L3MBTL4: variants seen among roughly 807,000 people sequenced by gnomAD.
L3MBTL4 encodes the protein lethal(3)malignant brain tumor-like protein 4.
Under a neutral mutation model 84.5 loss-of-function variants are expected in L3MBTL4, and 70 were observed. The observed-to-expected ratio is 0.83, with a 90% CI of 0.68 to 1.01. The LOEUF (loss-of-function observed/expected upper bound fraction) is 1.01, where lower values mean the gene tolerates loss of function less well. L3MBTL4 is among the 50% of genes least tolerant of loss of function. The pLI is 0.00. For missense variants in L3MBTL4, 715 were observed against 754.8 expected, an observed-to-expected ratio of 0.95 and a Z score of 0.62; for synonymous variants, 274 against 259.8, an observed-to-expected ratio of 1.05 and a Z score of -0.52.
chr18:6,115,250 G>C (rs1360096743), intron 14 of L3MBTL4, among the ~76,000 whole-genome samples: 2 of 152,166 alleles, frequency 1.3e-5, no homozygotes, highest in South Asian at 2.1e-4. Context: ...GGGAATGATT[G>C]GTCTGACTGC....
intron 4 of L3MBTL4, among the ~76,000 whole-genome samples, chr18:6,294,044 C>T (rs2049983573): frequency 6.6e-6 from 1 of 152,024 alleles, no homozygotes; most frequent in Admixed American, 6.6e-5. Context: ...ATGCTAATTT[C>T]CTGCTTGGAA....
chr18:6,028,317 G>C (rs2055608639), intron 16 of L3MBTL4, among the ~76,000 whole-genome samples: 1 of 152,068 alleles, frequency 6.6e-6, no homozygotes, highest in African/African-American at 2.4e-5. Context: ...TTGTTGTTTT[G>C]TCAGGTTTGT....
rs16949661 is a variant in L3MBTL4, at chr18:6,209,126, T to A, written c.981+4023A>T. 4.7e-3 allele frequency among the ~76,000 whole-genome samples: 722 copies of A among 152,282 alleles called. 9 individuals carry two copies. Among genetic ancestry groups the A allele is most frequent in the African/African-American group, 0.016 (681 of 41,570 alleles). ...TGGCTTCTGAATAGAAACATGGATA[T>A]CTTTGAAATCTTCATCAAATTACTT... On this transcript the variant is annotated intron_variant, in intron 12 of 18. Coordinates refer to ENST00000317931, the MANE Select transcript of L3MBTL4 (RefSeq NM_001330559.2).
intron 4 of L3MBTL4, among the ~76,000 whole-genome samples, chr18:6,272,390 C>T (rs383714): frequency 0.011 from 1,661 of 146,806 alleles, 42 homozygotes; most frequent in African/African-American, 0.041. Flanking sequence ...TTCAGGAGCA[C>T]GGGGAAAGGG....
intron 14 of L3MBTL4, among the ~76,000 whole-genome samples, chr18:6,111,272 A>T (rs2073562132): frequency 6.6e-6 from 1 of 152,124 alleles, no homozygotes; most frequent in African/African-American, 2.4e-5. Flanking sequence ...TGGTTGTACA[A>T]CTCTGTGAAT....
intron 1 of L3MBTL4, among the ~76,000 whole-genome samples, chr18:6,343,335 T>C (rs1033378723): frequency 6.6e-6 from 1 of 152,188 alleles, no homozygotes; most frequent in Non-Finnish European, 1.5e-5. Context: ...GTAGATAATA[T>C]GTTAGGACAC....
chr18:6,247,582 G>T (rs550463577), intron 5 of L3MBTL4, among the ~76,000 whole-genome samples: 3 of 145,626 alleles, frequency 2.1e-5, no homozygotes, highest in African/African-American at 7.7e-5. Flanking sequence ...AGGTTCAAGC[G>T]ATTCTCCTGC....
chr18:6,000,615 G>A (rs75713724), intron 16 of L3MBTL4, among the ~76,000 whole-genome samples: 7,275 of 152,114 alleles, frequency 0.048, 428 homozygotes, highest in Admixed American at 0.17. Context: ...ATGAAACAGA[G>A]CAAATATTTA....
chr18:6,270,156 T>TA (rs2048804435), intron 4 of L3MBTL4, among the ~76,000 whole-genome samples: 3 of 152,216 alleles, frequency 2.0e-5, no homozygotes, highest in African/African-American at 7.2e-5. Context: ...CTGGAAATGA[T>TA]ACGATCTTCC....
At chr18:6,002,529 G>A (rs73376003) in intron 16 of L3MBTL4, among the ~76,000 whole-genome samples, 11,507 of 152,092 alleles carry the variant, frequency 0.076, 553 homozygotes, top group East Asian at 0.12. Flanking sequence ...TGTAATTTGT[G>A]ATACAAGTAA....
intron 16 of L3MBTL4, among the ~76,000 whole-genome samples, chr18:6,007,976 A>G (rs1386910011): frequency 1.3e-5 from 2 of 152,346 alleles, no homozygotes; most frequent in East Asian, 3.9e-4. Context: ...AGACTTTTGT[A>G]CCATGTGAAC....
rs1474987794 is a variant in L3MBTL4, at chr18:6,382,522, C to T, written c.-91+32279G>A. Among the ~76,000 whole-genome samples, 8 of 151,840 alleles carry T rather than the reference C, an allele frequency of 5.3e-5. No individual in the cohort carries two copies. The South Asian group carries it at 6.2e-4, about 12-fold the overall frequency. On this transcript the variant is annotated intron_variant, in intron 1 of 18. Coordinates refer to ENST00000317931, the MANE Select transcript of L3MBTL4 (RefSeq NM_001330559.2). The stretch of plus-strand genomic sequence containing the variant: ...CCTTCAGATGGGGTCTCTGAGTGGA[C>T]GTGCTATTCCTTTCTGTTTGTTAGT...
chr18:5,995,212 A>G (rs2145193485), intron 16 of L3MBTL4, among the ~76,000 whole-genome samples: 2 of 152,362 alleles, frequency 1.3e-5, no homozygotes, highest in Admixed American at 1.3e-4. Context: ...ACTGCAAGGT[A>G]AAGATGCAAT....
intron 13 of L3MBTL4, among the ~76,000 whole-genome samples, chr18:6,152,314 T>C (rs2042931967): frequency 6.6e-6 from 1 of 152,202 alleles, no homozygotes; most frequent in Non-Finnish European, 1.5e-5. Context: ...CATTTTTTTT[T>C]TCCATAACAG....
intron 14 of L3MBTL4, among the ~76,000 whole-genome samples, chr18:6,099,942 A>G (rs2058765964): frequency 6.6e-6 from 1 of 152,138 alleles, no homozygotes; most frequent in African/African-American, 2.4e-5. Flanking sequence ...CTGGGTTAAC[A>G]CAGCTTGTGA....
chr18:6,254,435 T>G (rs940373506), intron 5 of L3MBTL4, among the ~76,000 whole-genome samples: 1 of 132,260 alleles, frequency 7.6e-6, no homozygotes, highest in Admixed American at 7.4e-5. Context: ...TTTTTTTTTT[T>G]GCCATCTATT....
chr18:6,214,316 A>T (rs1599177230), intron 11 of L3MBTL4, among the ~76,000 whole-genome samples: 1 of 152,196 alleles, frequency 6.6e-6, no homozygotes, highest in African/African-American at 2.4e-5. Flanking sequence ...ACACACAGGG[A>T]TTCATAATCA....
In L3MBTL4 at chr18:6,284,122, G is replaced by A. The variant is rs75619834; in HGVS notation, c.127+17781C>T. On this transcript the variant is annotated intron_variant, in intron 4 of 18. Transcript: ENST00000317931. ...GGGAAAATCTTTGTTGTTGTTGTTT[G>A]GTATCATTCAATTATGCATACGAAG... 8.2e-3 allele frequency among the ~76,000 whole-genome samples: 1,241 copies of A among 152,200 alleles called. 23 individuals are homozygous for A. The highest frequency in any genetic ancestry group is 0.028 in the African/African-American group (1,178 of 41,536).
intron 5 of L3MBTL4, among the ~76,000 whole-genome samples, chr18:6,245,570 A>C (rs930142795): frequency 1.3e-5 from 2 of 151,342 alleles, no homozygotes; most frequent in Non-Finnish European, 2.9e-5. Context: ...TTAACTCTGA[A>C]GCTACATAGG....
Sources: allele counts gnomAD v4.1 joint callset (sites outside exome capture counted in the v4.1 genomes callset), GRCh38; gene constraint gnomAD v4.1.1; transcripts MANE v1.5; gene names NCBI Gene and HGNC (gene_info 2026-07-23, HGNC 2026-07-21).